PALM3: variants seen among roughly 807,000 people sequenced by gnomAD.
PALM3 encodes the protein paralemmin 3.
A neutral mutation model predicts 27.9 loss-of-function variants in PALM3; 20 were observed. The ratio of observed to expected loss-of-function variants is 0.72; its 90% CI spans 0.50 to 1.04. The LOEUF is 1.04. PALM3 is among the 50% of genes least tolerant of loss of function. The pLI is 0.00. For synonymous variants in PALM3, 328 were observed against 352.7 expected (o/e 0.93, Z 0.79); for missense variants, 814 against 869.4 (o/e 0.94, Z 0.80).
At chr19:14,058,926 C>T (rs1976367595) in intron 2 of PALM3, among the ~76,000 whole-genome samples, 189 bp downstream of exon 2, 1 of 151,846 alleles carries the variant, frequency 6.6e-6, no homozygotes, top group South Asian at 2.1e-4. Flanking sequence ...GTGGGGGCCA[C>T]AGCTCCCCAT....
Position 14,057,449 on chromosome 19 carries a change from G to C in PALM3, c.91-18C>G. ...CGCTTCTCCTGCGCACAGAGGACCCGGAGCTGCCCGCCGGCCGGGCGCGGC... is the reference window on the plus strand; with the variant it reads ...CGCTTCTCCTGCGCACAGAGGACCCCGAGCTGCCCGCCGGCCGGGCGCGGC... On this transcript the variant is annotated intron_variant, in intron 2 of 6. Coordinates refer to ENST00000669674, the MANE Select transcript of PALM3 (RefSeq NM_001145028.2). The C allele has an allele frequency of 6.6e-7, 1 of 1,513,168 alleles. No homozygotes were observed. The allele number at this position is 1,513,168 out of a possible 1,614,324, so 93.7% of individuals were successfully genotyped here.
Position 14,061,946 on chromosome 19 carries a change from G to A in PALM3, c.35C>T (p.Thr12Ile), listed in dbSNP as rs1469468145. Reference sequence around the variant, plus strand: ...TGACCCCCCAGACACTTACATGGGTGTGGCCAGAGACCACACCTGGCTCTG... The same window carrying A: ...TGACCCCCCAGACACTTACATGGGTATGGCCAGAGACCACACCTGGCTCTG... ...ALQSQVWSLA[T>I]PMPMAESSLY... Residue 12 changes from threonine (T) to isoleucine (I), a missense_variant, in exon 1 of 7, where the codon ACA (threonine) becomes ATA (isoleucine). Thr to Ile is a moderately conservative substitution (Grantham distance 89, BLOSUM62 -1). Transcript: ENST00000669674. The A allele has an allele frequency of 2.0e-6, 2 of 985,296 alleles. No homozygotes were observed. The highest frequency in any genetic ancestry group is 2.4e-6 in the Non-Finnish European group (2 of 829,860). 61.0% of individuals were successfully genotyped at this position (985,296 alleles called of 1,614,324 possible). A position where few individuals can be genotyped will look rare whatever the true frequency, so the allele number is the denominator to read the frequency against.
rs370576579 is a variant in PALM3, at chr19:14,056,635, G to A, written c.314+27C>T. 16 of 1,551,758 alleles carry A rather than the reference G, an allele frequency of 1.0e-5. No homozygotes were observed. In the African/African-American group the frequency reaches 1.2e-4, roughly 12 times the overall value. On this transcript the variant is annotated intron_variant, in intron 4 of 6. Coordinates refer to ENST00000669674, the MANE Select transcript of PALM3 (RefSeq NM_001145028.2). ...ATCTCACCCAGCTGGGGCAGGGTTC[G>A]GGCAGAGCTAGAAGGTCTCCACTCA...
At position 14,057,481 on chromosome 19, in the gene PALM3, C is replaced by G. The variant is rs1253068290; in HGVS notation, c.91-50G>C. 2.1e-6 allele frequency: 3 copies of G among 1,431,228 alleles called. No individual in the cohort carries two copies. In the African/African-American group the frequency reaches 4.3e-5, roughly 21 times the overall value. The allele number at this position is 1,431,228 out of a possible 1,614,324, so 88.7% of individuals were successfully genotyped here. On this transcript the variant is annotated intron_variant, in intron 2 of 6. Transcript: ENST00000669674. ...CCCGCCGGCCGGGCGCGGCCTCCAC[C>G]ACCTCCTCTTCCCTCCCTTTCCCCT...
chr19:14,057,402 G>A lies in PALM3; in HGVS notation c.120C>T (p.Arg40=). Reference sequence around the variant, plus strand: ...CCTCCTCCACCTCCCGGCGCGCGGCGCGGATCTCCTCCTGCAGCCGCCGCT... The same window carrying A: ...CCTCCTCCACCTCCCGGCGCGCGGCACGGATCTCCTCCTGCAGCCGCCGCT... ...AEKRRLQEEI[R]AARREVEEEK... The change falls in exon 3 of 7, where the codon CGC becomes CGT. Residue 40 remains arginine (R), a synonymous_variant. Transcript: ENST00000669674. The A allele has an allele frequency of 1.9e-6, 3 of 1,543,692 alleles. No homozygotes were observed. Among genetic ancestry groups the A allele is most frequent in the Non-Finnish European group, 2.6e-6 (3 of 1,145,148 alleles).
In PALM3 at chr19:14,053,980, T is replaced by C; in HGVS notation, c.1692A>G (p.Glu564=). The C allele has an allele frequency of 6.4e-7, 1 of 1,551,680 alleles. No homozygotes were observed. The highest frequency in any genetic ancestry group is 1.4e-5 in the African/African-American group (1 of 73,132). ...CCTCATTCATCTCCTCTGCCTGGGA[T>C]TCACTTCCTTCCCTAGACCCTTGTT... The part of the protein sequence containing the change: ...NLEQGSREGS[E]SQAEEMNEAG... Residue 564 remains glutamate, a synonymous_variant, in exon 7 of 7, where the codon GAA becomes GAG. Transcript: ENST00000669674.
intron 3 of PALM3, among the ~76,000 whole-genome samples, chr19:14,057,066 A>T (rs969000631): frequency 1.3e-5 from 2 of 151,960 alleles, no homozygotes; most frequent in African/African-American, 4.8e-5. Flanking sequence ...TCCCTACCCC[A>T]AAGCTAGACT....
chr19:14,061,351 C>G (rs1976411140), intron 1 of PALM3, among the ~76,000 whole-genome samples: 1 of 152,186 alleles, frequency 6.6e-6, no homozygotes, highest in Non-Finnish European at 1.5e-5. Flanking sequence ...GCCCCCTCTA[C>G]CCTTTTAACC....
At position 14,054,718 on chromosome 19, in the gene PALM3, C is replaced by T. The variant is rs747611503; in HGVS notation, c.954G>A (p.Ser318=). The T allele has an allele frequency of 3.5e-5, 54 of 1,551,556 alleles. No homozygotes were observed. The highest frequency in any genetic ancestry group is 4.9e-5 in the East Asian group (2 of 40,936). The change falls in exon 7 of 7, where the codon TCG becomes TCA. Residue 318 remains serine (S), a synonymous_variant. Coordinates refer to ENST00000669674, the MANE Select transcript of PALM3 (RefSeq NM_001145028.2). ...CCTCTAATCTCTCCTGGAGCCTAGG[C>T]GAGCTAGTCTGCACGACCTCAGGGA... The part of the protein sequence containing the change: ...GRVPEVVQTS[S]PRLQERLEAA...
In PALM3 at chr19:14,057,447, C is replaced by A; in HGVS notation, c.91-16G>T. On this transcript the variant is annotated splice_polypyrimidine_tract_variant and intron_variant, in intron 2 of 6. Coordinates refer to ENST00000669674, the MANE Select transcript of PALM3 (RefSeq NM_001145028.2). ...GCCGCTTCTCCTGCGCACAGAGGAC[C>A]CGGAGCTGCCCGCCGGCCGGGCGCG... 4 of 1,514,108 alleles carry A rather than the reference C, an allele frequency of 2.6e-6. No homozygotes were observed. Among genetic ancestry groups the A allele is most frequent in the Non-Finnish European group, 3.5e-6 (4 of 1,130,320 alleles). The allele number at this position is 1,514,108 out of a possible 1,614,324, so 93.8% of individuals were successfully genotyped here.
Position 14,054,667 on chromosome 19 carries a change from A to G in PALM3, c.1005T>C (p.Asp335=). 1 of 1,551,260 alleles carries G rather than the reference A, an allele frequency of 6.4e-7. No homozygotes were observed. The highest frequency in any genetic ancestry group is 8.7e-7 in the Non-Finnish European group (1 of 1,146,772). Residue 335 remains aspartate, a synonymous_variant, in exon 7 of 7, where the codon GAT becomes GAC. Coordinates refer to ENST00000669674, the MANE Select transcript of PALM3 (RefSeq NM_001145028.2). Reference sequence around the variant, plus strand: ...CACCCTCAGGGCTGCCCTGGGGCACATCTTCCCCTTCTATGGAAGCTGCTG... The same window carrying G: ...CACCCTCAGGGCTGCCCTGGGGCACGTCTTCCCCTTCTATGGAAGCTGCTG... The part of the protein sequence containing the change: ...LEAAASIEGE[D]VPQGSPEGDG...
At chr19:14,059,220 G>A (rs113328501) in intron 1 of PALM3, 57 bp from the exon 2 acceptor site, 2 of 1,413,256 alleles carry the variant, frequency 1.4e-6, no homozygotes, top group African/African-American at 3.1e-5. Context: ...CCCCCTCTTG[G>A]CCAAGATCCC....
At chr19:14,057,732 G>C (rs1441848179) in intron 2 of PALM3, 1 of 167,294 alleles carries the variant, frequency 6.0e-6, no homozygotes, top group East Asian at 1.6e-4. Flanking sequence ...GGGGGTGTAG[G>C]GGGTGGGGCC....
intron 5 of PALM3, 133 bp from the exon 6 acceptor site, chr19:14,055,558 A>T: frequency 1.2e-6 from 1 of 837,226 alleles, no homozygotes; most frequent in Non-Finnish European, 1.9e-6. Context: ...CAAACTCCAC[A>T]TTGTACCTCT....
At chr19:14,059,254 A>G in intron 1 of PALM3, 91 bp from the exon 2 acceptor site, 1 of 1,236,720 alleles carries the variant, frequency 8.1e-7, no homozygotes. Flanking sequence ...AATTGCCCCG[A>G]GCCCAGCACT....
At position 14,055,198 on chromosome 19, in the gene PALM3, G is replaced by A; in HGVS notation, c.474C>T (p.Ser158=). The A allele has an allele frequency of 3.3e-6, 5 of 1,536,432 alleles. No individual in the cohort carries two copies. Among genetic ancestry groups the A allele is most frequent in the Non-Finnish European group, 4.4e-6 (5 of 1,140,522 alleles). ...VGQTDLNKRA[S]LPAGLVGTPP... Reference sequence around the variant, plus strand: ...GCGTGCCCACTAGTCCAGCCGGCAGGGAGGCTCTCTTGTTCAGATCAGTCT... The same window carrying A: ...GCGTGCCCACTAGTCCAGCCGGCAGAGAGGCTCTCTTGTTCAGATCAGTCT... The change falls in exon 7 of 7, where the codon TCC becomes TCT. Residue 158 remains serine, a synonymous_variant. Coordinates refer to ENST00000669674, the MANE Select transcript of PALM3 (RefSeq NM_001145028.2).
At chr19:14,058,646 A>G (rs2145706075) in intron 2 of PALM3, among the ~76,000 whole-genome samples, 2 of 151,894 alleles carry the variant, frequency 1.3e-5, no homozygotes, top group South Asian at 2.1e-4. Flanking sequence ...GCGTGCGGAA[A>G]GTTGGGGTTC....
At chr19:14,061,744 T>C (rs1976417401) in intron 1 of PALM3, among the ~76,000 whole-genome samples, 196 bp downstream of exon 1, 1 of 151,692 alleles carries the variant, frequency 6.6e-6, no homozygotes, top group African/African-American at 2.4e-5. Flanking sequence ...GGAGCCTATA[T>C]CTCTCTCCCA....
In PALM3 at chr19:14,055,202, G is replaced by C. The variant is rs1393932555; in HGVS notation, c.470C>G (p.Ala157Gly). ...GCCCACTAGTCCAGCCGGCAGGGAG[G>C]CTCTCTTGTTCAGATCAGTCTGGCC... is the stretch of plus-strand genomic sequence containing the variant. ...SVGQTDLNKR[A>G]SLPAGLVGTP... The change falls in exon 7 of 7, where the codon GCC becomes GGC. Residue 157 changes from alanine to glycine, a missense_variant. Physicochemically the swap from Ala to Gly is moderately conservative, Grantham distance 60 (BLOSUM62 0). Coordinates refer to ENST00000669674, the MANE Select transcript of PALM3 (RefSeq NM_001145028.2). The C allele has an allele frequency of 2.0e-6, 3 of 1,536,720 alleles. No individual in the cohort carries two copies. The highest frequency in any genetic ancestry group is 8.8e-7 in the Non-Finnish European group (1 of 1,139,888).
Sources: allele counts gnomAD v4.1 joint callset (sites outside exome capture counted in the v4.1 genomes callset), GRCh38; gene constraint gnomAD v4.1.1; transcripts MANE v1.5; gene names NCBI Gene and HGNC (gene_info 2026-07-23, HGNC 2026-07-21).